EIF4H: variants seen among roughly 807,000 people sequenced by gnomAD.
EIF4H encodes the protein eukaryotic translation initiation factor 4H, also known as Williams-Beuren syndrome chromosome region 1.
A neutral mutation model predicts 30.6 loss-of-function variants in EIF4H; 8 were observed. That is an observed-to-expected ratio of 0.26 (90% CI 0.15 to 0.47). The LOEUF is 0.47. Among genes scored for constraint, EIF4H ranks in the 20% least tolerant of loss-of-function variants. EIF4H has a pLI of 0.99. For missense variants in EIF4H, 188 were observed against 339.5 expected (o/e 0.55, Z 3.51); for synonymous variants, 106 against 122.7 (o/e 0.86, Z 0.90).
chr7:74,194,081 A>C (rs1801286203), intron 5 of EIF4H, among the ~76,000 whole-genome samples: 1 of 152,218 alleles, frequency 6.6e-6, no homozygotes, highest in Non-Finnish European at 1.5e-5. Flanking sequence ...GCAGGCACAC[A>C]AATGAATGGG....
At chr7:74,190,109 G>A (rs1247874528) in intron 4 of EIF4H, 138 bp from the exon 5 acceptor site, 2 of 1,120,554 alleles carry the variant, frequency 1.8e-6, no homozygotes, top group African/African-American at 3.2e-5. Context: ...TTTGTTTTCT[G>A]TTGGAAGCAA....
At chr7:74,189,208 A>G (rs150874) in intron 2 of EIF4H, among the ~76,000 whole-genome samples, 149,069 of 152,256 alleles carry the variant, frequency 0.98, 72,970 homozygotes, top group Admixed American at 0.99. Flanking sequence ...CCTGATTGCC[A>G]AGGATATATT....
chr7:74,192,189 A>G (rs1371004913), intron 5 of EIF4H, among the ~76,000 whole-genome samples: 7 of 152,106 alleles, frequency 4.6e-5, no homozygotes, highest in African/African-American at 1.7e-4. Flanking sequence ...TCTCATAGTA[A>G]AGGGTGTAAA....
intron 1 of EIF4H, among the ~76,000 whole-genome samples, chr7:74,184,183 T>A (rs1801031107): frequency 6.6e-6 from 1 of 152,124 alleles, no homozygotes; most frequent in Admixed American, 6.6e-5. Flanking sequence ...TTCTATCTTC[T>A]CCAAAGCCAG....
At chr7:74,176,967 A>G (rs1800856112) in intron 1 of EIF4H, among the ~76,000 whole-genome samples, 1 of 152,216 alleles carries the variant, frequency 6.6e-6, no homozygotes, top group Non-Finnish European at 1.5e-5. Flanking sequence ...TAATTGCAAC[A>G]AAGCTATGAG....
intron 5 of EIF4H, among the ~76,000 whole-genome samples, chr7:74,192,297 C>T (rs1018082506): frequency 6.6e-6 from 1 of 152,210 alleles, no homozygotes; most frequent in Non-Finnish European, 1.5e-5. Flanking sequence ...GTTCACTGAA[C>T]TGTGTAATGT....
intron 1 of EIF4H, among the ~76,000 whole-genome samples, chr7:74,175,167 C>A (rs1800809683): frequency 6.6e-6 from 1 of 152,216 alleles, no homozygotes; most frequent in Admixed American, 6.5e-5. Flanking sequence ...TAGCGTCGTC[C>A]TGATTGTTGT....
At chr7:74,182,503 T>C (rs557631923) in intron 1 of EIF4H, among the ~76,000 whole-genome samples, 2 of 152,348 alleles carry the variant, frequency 1.3e-5, no homozygotes, top group East Asian at 3.9e-4. Flanking sequence ...TCATTTTCTT[T>C]GGTTTACACT....
At chr7:74,191,615 T>A (rs74681751) in intron 5 of EIF4H, among the ~76,000 whole-genome samples, 2,410 of 152,300 alleles carry the variant, frequency 0.016, 49 homozygotes, top group African/African-American at 0.052. Flanking sequence ...CTATTTTTTT[T>A]AATGATACCT....
intron 1 of EIF4H, among the ~76,000 whole-genome samples, chr7:74,181,948 C>G (rs782284440): frequency 6.6e-6 from 1 of 151,940 alleles, no homozygotes; most frequent in Non-Finnish European, 1.5e-5. Context: ...AACTCCTGAC[C>G]TTGTGATTCA....
intron 1 of EIF4H, among the ~76,000 whole-genome samples, chr7:74,184,444 G>A (rs1801038155): frequency 6.6e-6 from 1 of 152,020 alleles, no homozygotes; most frequent in Non-Finnish European, 1.5e-5. Flanking sequence ...TTATGTATAT[G>A]TTACACATTC....
chr7:74,192,984 A>G (rs56120822), intron 5 of EIF4H, among the ~76,000 whole-genome samples: 3,915 of 152,144 alleles, frequency 0.026, 54 homozygotes, highest in Middle Eastern at 0.044. Flanking sequence ...AGCCTATGTG[A>G]CCTTGATTTT....
At chr7:74,174,617 G>A (rs1348575666) in intron 1 of EIF4H, among the ~76,000 whole-genome samples, 175 bp downstream of exon 1, 1 of 152,066 alleles carries the variant, frequency 6.6e-6, no homozygotes, top group African/African-American at 2.4e-5. Context: ...GAGACGGGGC[G>A]GCGGCGGCTG....
rs143607888 is a variant in EIF4H, at chr7:74,195,284, A to G, written c.723A>G (p.Glu241=). 3.2e-5 allele frequency: 51 copies of G among 1,613,792 alleles called. No individual in the cohort carries two copies. The highest frequency in any genetic ancestry group is 1.3e-4 in the East Asian group (6 of 44,888). ...TCGGGGGTGCCAGGCCTAGAGAGGA[A>G]GTCGTTCAAAAGGAGCAAGAATGAG... is the stretch of plus-strand genomic sequence containing the variant. ...AIFGGARPRE[E]VVQKEQE Residue 241 remains glutamate (E), a synonymous_variant, in exon 7 of 7, where the codon GAA becomes GAG. Coordinates refer to ENST00000265753, the MANE Select transcript of EIF4H (RefSeq NM_022170.2).
chr7:74,179,744 G>T (rs1485949302), intron 1 of EIF4H, among the ~76,000 whole-genome samples: 3 of 152,206 alleles, frequency 2.0e-5, no homozygotes, highest in African/African-American at 7.2e-5. Context: ...GAGCCAGGCA[G>T]AGCCATGCAG....
intron 1 of EIF4H, among the ~76,000 whole-genome samples, chr7:74,184,132 C>T (rs1364572130): frequency 6.6e-6 from 1 of 152,104 alleles, no homozygotes; most frequent in Non-Finnish European, 1.5e-5. Context: ...CATTTGGTAA[C>T]GTGCCAACTT....
chr7:74,174,410 T>G lies in EIF4H; in HGVS notation c.27T>G (p.Asp9Glu). MADFDTYD[D>E]RAYSSFGGGR... ...TGGCGGACTTCGACACCTACGACGA[T>G]CGGGCCTACAGCAGCTTCGGCGGCG... The change falls in exon 1 of 7, where the codon GAT (aspartate) becomes GAG (glutamate). Residue 9 changes from aspartate to glutamate, a missense_variant. Coordinates refer to ENST00000265753, the MANE Select transcript of EIF4H (RefSeq NM_022170.2). The G allele has an allele frequency of 6.9e-7, 1 of 1,457,792 alleles. No individual in the cohort carries two copies. The highest frequency in any genetic ancestry group is 9.2e-7 in the Non-Finnish European group (1 of 1,091,212). The allele number at this position is 1,457,792 out of a possible 1,614,324, so 90.3% of individuals were successfully genotyped here. A position where few individuals can be genotyped will look rare whatever the true frequency, so the allele number is the denominator to read the frequency against.
chr7:74,184,664 TTTG>T (rs1182684517), intron 1 of EIF4H, among the ~76,000 whole-genome samples: 15 of 152,088 alleles, frequency 9.9e-5, no homozygotes, highest in African/African-American at 3.4e-4. Context: ...TTTGTTTGGT[TTTG>T]TTGTTGTTTT....
At chr7:74,191,477 G>T (rs1801211553) in intron 5 of EIF4H, among the ~76,000 whole-genome samples, 1 of 152,170 alleles carries the variant, frequency 6.6e-6, no homozygotes, top group African/African-American at 2.4e-5. Flanking sequence ...ACCAGTTCTG[G>T]TGGGAACTGC....
Sources: allele counts gnomAD v4.1 joint callset (sites outside exome capture counted in the v4.1 genomes callset), GRCh38; gene constraint gnomAD v4.1.1; transcripts MANE v1.5; gene names NCBI Gene and HGNC (gene_info 2026-07-23, HGNC 2026-07-21).